COL18A1: variants seen among roughly 807,000 people sequenced by gnomAD.
COL18A1 encodes the protein collagen alpha-1(XVIII) chain.
In COL18A1, 133 loss-of-function variants were observed where a neutral mutation model predicts 168.0. The ratio of observed to expected loss-of-function variants is 0.79; its 90% CI spans 0.69 to 0.91. The LOEUF (loss-of-function observed/expected upper bound fraction) is 0.91. Ranked by LOEUF, COL18A1 falls within the 40% of genes least tolerant of loss-of-function variation. COL18A1 has a pLI of 0.00. For missense variants in COL18A1, 2,126 were observed against 1,925.4 expected (o/e 1.10, Z -1.95); for synonymous variants, 949 against 809.0 (o/e 1.17, Z -2.94).
At chr21:45,439,230 G>A (rs1258655682) in intron 2 of COL18A1, among the ~76,000 whole-genome samples, 2 of 152,250 alleles carry the variant, frequency 1.3e-5, no homozygotes, top group Non-Finnish European at 2.9e-5. Flanking sequence ...CACAGTGGGA[G>A]GGGCCTGCTC....
In COL18A1 at chr21:45,486,944, C is replaced by CCCCCCTGGG. The variant is rs764710670; in HGVS notation, c.1800_1808dup (p.Pro603_Pro605dup). The CCCCCCTGGG allele has an allele frequency of 4.5e-5, 67 of 1,486,468 alleles. No individual in the cohort carries two copies. Among genetic ancestry groups the CCCCCCTGGG allele is most frequent in the South Asian group, 7.8e-5 (6 of 76,952 alleles). 92.1% of individuals were successfully genotyped at this position (1,486,468 alleles called of 1,614,324 possible). A position where few individuals can be genotyped will look rare whatever the true frequency, so the allele number is the denominator to read the frequency against. On this transcript the variant is annotated inframe_insertion, in exon 16 of 42. Transcript: ENST00000651438. Reference sequence around the variant, plus strand: ...CCCCCGGACCTGCTGGACCACCAGGCCCCCCTGGGCCCCCTGGGCCCCCAG... The same window carrying CCCCCCTGGG: ...CCCCCGGACCTGCTGGACCACCAGGCCCCCCTGGGCCCCCTGGGCCCCCTGGGCCCCCAG...
At chr21:45,509,318 G>GT in intron 38 of COL18A1, 38 bp from the exon 39 acceptor site, 1 of 1,537,398 alleles carries the variant, frequency 6.5e-7, no homozygotes, top group Non-Finnish European at 8.7e-7. Flanking sequence ...CACCCGGAGG[G>GT]TCCCCCCGCC....
At chr21:45,480,412 G>A in intron 11 of COL18A1, 55 bp from the exon 12 acceptor site, 2 of 1,613,742 alleles carry the variant, frequency 1.2e-6, no homozygotes, top group African/African-American at 1.3e-5. Flanking sequence ...GCCAGGAGTA[G>A]GCCAGGCGGG....
intron 12 of COL18A1, 86 bp from the exon 13 acceptor site, chr21:45,480,614 G>T (rs535981013): frequency 1.2e-6 from 2 of 1,612,868 alleles, no homozygotes; most frequent in Admixed American, 3.3e-5. Flanking sequence ...CCTGTGGGGG[G>T]TGGGGATGAG....
Position 45,451,598 on chromosome 21 carries a change from G to A in COL18A1, c.107-16644G>A, listed in dbSNP as rs115529995. 5.8e-3 allele frequency among the ~76,000 whole-genome samples: 890 copies of A among 152,340 alleles called. 10 individuals are homozygous for A. Among genetic ancestry groups the A allele is most frequent in the African/African-American group, 0.02 (836 of 41,574 alleles). Reference sequence around the variant, plus strand: ...TTTGCTGAGGGAGTTTGTGGTTAACGTTGCCTTTGTTGAGTCGAATGAGGA... The same window carrying A: ...TTTGCTGAGGGAGTTTGTGGTTAACATTGCCTTTGTTGAGTCGAATGAGGA... On this transcript the variant is annotated intron_variant, in intron 2 of 41. Coordinates refer to ENST00000651438, the MANE Select transcript of COL18A1 (RefSeq NM_001379500.1).
intron 2 of COL18A1, among the ~76,000 whole-genome samples, chr21:45,414,208 A>G (rs1156427296): frequency 2.0e-5 from 3 of 152,142 alleles, no homozygotes; most frequent in Non-Finnish European, 2.9e-5. Context: ...CTAGGAGGCC[A>G]TGGTGTGCCT....
chr21:45,459,715 C>T (rs968982019), intron 2 of COL18A1, among the ~76,000 whole-genome samples: 1 of 152,176 alleles, frequency 6.6e-6, no homozygotes, highest in African/African-American at 2.4e-5. Context: ...GAGGCCCCCT[C>T]ACACGGGAGG....
chr21:45,497,016 G>A (rs377520905), intron 30 of COL18A1, 34 bp from the exon 31 acceptor site: 50 of 1,549,934 alleles, frequency 3.2e-5, no homozygotes, highest in Non-Finnish European at 4.0e-5. Context: ...TCAGAACATC[G>A]CCCTCAGCAG....
intron 32 of COL18A1, among the ~76,000 whole-genome samples, chr21:45,499,403 G>A (rs2036659266): frequency 6.6e-6 from 1 of 151,340 alleles, no homozygotes. Context: ...GCCCCACATG[G>A]CATCCCAGGA....
At chr21:45,438,677 A>G (rs2034287532) in intron 2 of COL18A1, among the ~76,000 whole-genome samples, 2 of 151,850 alleles carry the variant, frequency 1.3e-5, no homozygotes, top group South Asian at 4.2e-4. Context: ...TGGCTGTTCA[A>G]CTCTGACGGG....
chr21:45,432,529 C>T (rs2033991190), intron 2 of COL18A1, among the ~76,000 whole-genome samples: 1 of 152,234 alleles, frequency 6.6e-6, no homozygotes, highest in Non-Finnish European at 1.5e-5. Context: ...GCCACATTGC[C>T]ATTTTTCATC....
Position 45,497,674 on chromosome 21 carries a change from G to T in COL18A1, c.2683+13G>T. Reference sequence around the variant, plus strand: ...CCCGGACCACCAGGTGAGCAACTCTGGACATCCCAGGCAGGAGAGCCATGG... The same window carrying T: ...CCCGGACCACCAGGTGAGCAACTCTTGACATCCCAGGCAGGAGAGCCATGG... On this transcript the variant is annotated intron_variant, in intron 32 of 41. Transcript: ENST00000651438. The T allele has an allele frequency of 6.4e-7, 1 of 1,561,336 alleles. No individual in the cohort carries two copies. The highest frequency in any genetic ancestry group is 8.7e-7 in the Non-Finnish European group (1 of 1,153,220).
chr21:45,434,876 G>A (rs908767612), intron 2 of COL18A1, among the ~76,000 whole-genome samples: 2 of 152,138 alleles, frequency 1.3e-5, no homozygotes, highest in African/African-American at 2.4e-5. Context: ...GGTGACCCAG[G>A]GCCTTTGAAC....
In COL18A1 at chr21:45,495,724, A is replaced by G. The variant is rs112033828; in HGVS notation, c.2508+292A>G. ...TACACACGCGCACACATACACGCAC[A>G]CACACATCCACACGTGCTCATGTGT... On this transcript the variant is annotated intron_variant, in intron 29 of 41. Transcript: ENST00000651438. 1,972 of 413,630 alleles carry G rather than the reference A, an allele frequency of 4.8e-3. 38 individuals carry two copies. The highest frequency in any genetic ancestry group is 0.035 in the African/African-American group (1,702 of 48,924). The allele number at this position is 413,630 out of a possible 1,614,324, so 25.6% of individuals were successfully genotyped here. A position where few individuals can be genotyped will look rare whatever the true frequency, so the allele number is the denominator to read the frequency against.
At position 45,405,492 on chromosome 21, in the gene COL18A1, GGGAAGGTTCGC is replaced by G; in HGVS notation, c.106+21_106+31del. On this transcript the variant is annotated intron_variant, in intron 2 of 41. Transcript: ENST00000651438. Reference sequence around the variant, plus strand: ...GAGCCAGGTAAGACCCGGGCGGGACGGGAAGGTTCGCGCCGGTGCCCGCCGGCCTCGCCGCC... The same window carrying G: ...GAGCCAGGTAAGACCCGGGCGGGACGGCCGGTGCCCGCCGGCCTCGCCGCC... 1 of 1,336,852 alleles carries G rather than the reference GGGAAGGTTCGC, an allele frequency of 7.5e-7. No homozygotes were observed. Among genetic ancestry groups the G allele is most frequent in the Non-Finnish European group, 9.7e-7 (1 of 1,033,562 alleles). 82.8% of individuals were successfully genotyped at this position (1,336,852 alleles called of 1,614,324 possible). A position where few individuals can be genotyped will look rare whatever the true frequency, so the allele number is the denominator to read the frequency against.
chr21:45,510,404 C>A (rs1237321304), intron 40 of COL18A1, 143 bp downstream of exon 40: 2 of 969,522 alleles, frequency 2.1e-6, no homozygotes, highest in Non-Finnish European at 3.2e-6. Flanking sequence ...GACTTCAGGG[C>A]AGGCTCCGGG....
At chr21:45,505,039 C>A (rs778489543) in intron 34 of COL18A1, 95 bp from the exon 35 acceptor site, 48 of 1,514,248 alleles carry the variant, frequency 3.2e-5, no homozygotes, top group Non-Finnish European at 4.0e-5. Context: ...GCTGCGCTCG[C>A]CAAGGGGGTC....
At chr21:45,459,244 G>A (rs552633823) in intron 2 of COL18A1, among the ~76,000 whole-genome samples, 34 of 152,302 alleles carry the variant, frequency 2.2e-4, no homozygotes, top group Non-Finnish European at 3.4e-4. Flanking sequence ...AACTCCTGCC[G>A]GACCCCTATG....
rs983419927 is a variant in COL18A1, at chr21:45,425,577, G to A, written c.106+20104G>A. ...CCTCCCGTGGGCTGCCCTGTGAGGT[G>A]TGGAGCTGGGCTGCAGACTTGCACA... On this transcript the variant is annotated intron_variant, in intron 2 of 41. Coordinates refer to ENST00000651438, the MANE Select transcript of COL18A1 (RefSeq NM_001379500.1). The surrounding 1 kb of genome is among the most constrained non-coding windows in gnomAD (Gnocchi z 4.1). Among the ~76,000 whole-genome samples, 1 of 152,182 alleles carries A rather than the reference G, an allele frequency of 6.6e-6. No homozygotes were observed. Among genetic ancestry groups the A allele is most frequent in the African/African-American group, 2.4e-5 (1 of 41,444 alleles).
Sources: gnomAD v4.1 joint callset for allele counts (sites outside exome capture counted in the v4.1 genomes callset) on GRCh38, gnomAD v4.1.1 for gene constraint, Gnocchi (gnomAD v3.1) non-coding constraint, MANE v1.5 for transcripts, NCBI Gene and HGNC (gene_info 2026-07-23, HGNC 2026-07-21) for gene names.